OSBPL10: variants seen among roughly 807,000 people sequenced by gnomAD.
The protein encoded by OSBPL10 is oxysterol binding protein like 10.
OSBPL10 carries 49 observed loss-of-function variants against 81.7 expected under a neutral mutation model. That is an observed-to-expected ratio of 0.60 (90% CI 0.48 to 0.76). The LOEUF is 0.76. Among genes scored for constraint, OSBPL10 ranks in the 30% least tolerant of loss-of-function variants. The pLI, the probability that OSBPL10 is intolerant of heterozygous loss-of-function variation, is 0.00. For missense variants in OSBPL10, 923 were observed against 987.8 expected (o/e 0.93, Z 0.88); for synonymous variants, 419 against 383.6 (o/e 1.09, Z -1.08).
intron 2 of OSBPL10, among the ~76,000 whole-genome samples, chr3:32,028,541 A>G (rs1423565380): frequency 6.6e-6 from 1 of 152,344 alleles, no homozygotes; most frequent in East Asian, 1.9e-4. Flanking sequence ...GGATACATAC[A>G]TACACATATA....
chr3:31,979,445 T>C (rs1384254714), intron 1 of OSBPL10, among the ~76,000 whole-genome samples: 1 of 152,212 alleles, frequency 6.6e-6, no homozygotes, highest in African/African-American at 2.4e-5. Flanking sequence ...CTGGCTGATA[T>C]GTTTCAGATG....
At chr3:32,060,081 T>A (rs775031228) in intron 1 of OSBPL10, among the ~76,000 whole-genome samples, 19 of 108,116 alleles carry the variant, frequency 1.8e-4, no homozygotes, top group Non-Finnish European at 2.2e-4. Flanking sequence ...GTCAATGAGC[T>A]ATATATATAT....
intron 8 of OSBPL10, among the ~76,000 whole-genome samples, chr3:31,682,878 C>G (rs774666397): frequency 6.6e-6 from 1 of 152,110 alleles, no homozygotes; most frequent in Non-Finnish European, 1.5e-5. Flanking sequence ...GAAAGGTGCT[C>G]TTATCTCATG....
chr3:31,708,838 G>A (rs928314536), intron 6 of OSBPL10: 2 of 985,400 alleles, frequency 2.0e-6, no homozygotes, highest in South Asian at 4.7e-5. Context: ...TGAAAGGGTG[G>A]ATGTTCCACT....
chr3:31,863,698 T>C (rs1184796586), intron 3 of OSBPL10, among the ~76,000 whole-genome samples: 2 of 152,248 alleles, frequency 1.3e-5, no homozygotes, highest in South Asian at 2.1e-4. Context: ...TTATGACTAT[T>C]AGTTTCCTCT....
chr3:32,047,668 T>C (rs1699634731), intron 1 of OSBPL10, among the ~76,000 whole-genome samples: 1 of 151,440 alleles, frequency 6.6e-6, no homozygotes, highest in Non-Finnish European at 1.5e-5. Context: ...TTTTGTTTTT[T>C]GTTTTTTTTT....
chr3:31,847,705 G>A (rs746593227), intron 3 of OSBPL10, among the ~76,000 whole-genome samples: 20 of 152,268 alleles, frequency 1.3e-4, no homozygotes, highest in Admixed American at 7.2e-4. Context: ...GAAGTCAGAA[G>A]TGTCTCAGTG....
chr3:32,049,966 G>A (rs1699657222), intron 1 of OSBPL10, among the ~76,000 whole-genome samples: 1 of 152,122 alleles, frequency 6.6e-6, no homozygotes. Context: ...CTTGTTATAG[G>A]AATGGTAAAA....
intron 4 of OSBPL10, among the ~76,000 whole-genome samples, chr3:31,793,418 C>A (rs1450417838): frequency 6.6e-6 from 1 of 152,162 alleles, no homozygotes; most frequent in Non-Finnish European, 1.5e-5. Flanking sequence ...TTTTAAAAAT[C>A]TAAATTTAGA....
Position 31,971,264 on chromosome 3 carries a change from C to A in OSBPL10, c.281+9635G>T, listed in dbSNP as rs74394559. On this transcript the variant is annotated intron_variant, in intron 1 of 11. Coordinates refer to ENST00000396556, the MANE Select transcript of OSBPL10 (RefSeq NM_017784.5). ...CAAGCGATTCTCCTGTCTCAGCCTC[C>A]CAAGTAGCTGGGATTACGGGCGCAT... is the stretch of plus-strand genomic sequence containing the variant. Among the ~76,000 whole-genome samples the A allele has an allele frequency of 0.01, 1,547 of 151,918 alleles. 90 individuals are homozygous for A. The East Asian group carries it at 0.18, about 17-fold the overall frequency.
chr3:31,911,036 G>A (rs1293008727), intron 1 of OSBPL10, among the ~76,000 whole-genome samples: 1 of 152,092 alleles, frequency 6.6e-6, no homozygotes, highest in Non-Finnish European at 1.5e-5. Flanking sequence ...GGACACCAGG[G>A]CAGGGTTCCA....
rs377747870 is a variant in OSBPL10, at chr3:31,993,899, C to CA, written n.298+52591dup. Among the ~76,000 whole-genome samples, 1,444 of 150,794 alleles carry CA rather than the reference C, an allele frequency of 9.6e-3. 26 individuals are homozygous for CA. Among genetic ancestry groups the CA allele is most frequent in the African/African-American group, 0.032 (1,327 of 41,104 alleles). On this transcript the variant is annotated intron_variant and non_coding_transcript_variant, in intron 2 of 3. Transcript: ENST00000479173. ...AATATAATGAAAACCTATGTTTGTA[C>CA]AAAAAAAAACTTGTTTGTGAATGTT...
Position 31,683,754 on chromosome 3 carries a change from G to A in OSBPL10, c.1606C>T (p.His536Tyr). ...CAGTAGAAGCAGGAGATGGGTGGGTGATGGGACACTTGCTCAGCCACAAAC... is the reference window on the plus strand; with the variant it reads ...CAGTAGAAGCAGGAGATGGGTGGGTAATGGGACACTTGCTCAGCCACAAAC... ...LRFVAEQVSH[H>Y]PPISCFYCEC... Residue 536 changes from histidine (H) to tyrosine (Y), a missense_variant, in exon 8 of 12, where the codon CAC becomes TAC. Physicochemically the swap from His to Tyr is moderately conservative, Grantham distance 83. Around this residue, in one of 3 missense-constraint regions of OSBPL10, gnomAD observed 387 missense variants for 436.3 expected, o/e 0.89. Transcript: ENST00000396556. The A allele has an allele frequency of 1.9e-6, 3 of 1,614,224 alleles. No individual in the cohort carries two copies. The highest frequency in any genetic ancestry group is 1.3e-5 in the African/African-American group (1 of 75,056).
chr3:31,822,809 G>A (rs1684994306), intron 4 of OSBPL10, among the ~76,000 whole-genome samples: 1 of 150,684 alleles, frequency 6.6e-6, no homozygotes, highest in Admixed American at 6.7e-5. Flanking sequence ...AGCTACTCAG[G>A]AGGCTAAGGC....
chr3:32,025,477 T>A (rs1022947690), intron 2 of OSBPL10, among the ~76,000 whole-genome samples: 1 of 152,200 alleles, frequency 6.6e-6, no homozygotes, highest in Non-Finnish European at 1.5e-5. Flanking sequence ...TCTCTTCTCA[T>A]GTCATCTTTG....
rs79982219 is a variant in OSBPL10, at chr3:31,979,876, G to A, written c.281+1023C>T. On this transcript the variant is annotated intron_variant, in intron 1 of 11. Coordinates refer to ENST00000396556, the MANE Select transcript of OSBPL10 (RefSeq NM_017784.5). ...CCATAACTAGGCTTCTCAACTGCAA[G>A]GGGGAAGTGAGCAGGAAACTTCAAA... Among the ~76,000 whole-genome samples the A allele has an allele frequency of 4.5e-4, 68 of 152,174 alleles. 3 individuals carry two copies. In the East Asian group the frequency reaches 0.013, roughly 29 times the overall value.
At chr3:31,930,135 AC>A (rs1220589276) in intron 1 of OSBPL10, among the ~76,000 whole-genome samples, 2 of 151,674 alleles carry the variant, frequency 1.3e-5, no homozygotes, top group African/African-American at 4.9e-5. Flanking sequence ...CTGGGTCAAC[AC>A]AGCAAGACCT....
chr3:31,671,062 A>G (rs1700312419), intron 8 of OSBPL10, 79 bp from the exon 9 acceptor site: 1 of 1,363,162 alleles, frequency 7.3e-7, no homozygotes, highest in African/African-American at 1.5e-5. Flanking sequence ...TGAAGATGGG[A>G]AACCAAAGAG....
intron 7 of OSBPL10, among the ~76,000 whole-genome samples, 180 bp from the exon 8 acceptor site, chr3:31,684,294 T>C (rs890788909): frequency 5.3e-4 from 81 of 152,316 alleles, no homozygotes; most frequent in African/African-American, 1.9e-3. Context: ...AAATGAGAAG[T>C]GGCAGTGGAA....
Sources: gnomAD v4.1 joint callset for allele counts (sites outside exome capture counted in the v4.1 genomes callset) on GRCh38, gnomAD v4.1.1 for gene constraint, gnomAD v4.1.1 regional missense constraint, MANE v1.5 for transcripts, NCBI Gene and HGNC (gene_info 2026-07-23, HGNC 2026-07-21) for gene names.